TENM1: variants seen among roughly 807,000 people sequenced by gnomAD.
The protein encoded by TENM1 is teneurin-1.
Under a neutral mutation model 174.8 loss-of-function variants are expected in TENM1, and 35 were observed. The ratio of observed to expected loss-of-function variants is 0.20; its 90% CI spans 0.15 to 0.27. TENM1 has a LOEUF of 0.27. Ranked by LOEUF, TENM1 falls within the 10% of genes least tolerant of loss-of-function variation. The pLI is 1.00. For missense variants in TENM1, 1,633 were observed against 2,130.1 expected (o/e 0.77, Z 4.59); for synonymous variants, 781 against 798.7 (o/e 0.98, Z 0.37).
intron 4 of TENM1, among the ~76,000 whole-genome samples, chrX:124,713,570 G>A (rs1156939993): frequency 8.9e-6 from 1 of 112,257 alleles, no homozygotes; most frequent in African/African-American, 3.2e-5. Flanking sequence ...GCCCAGCCGG[G>A]AGATCCTTTT....
chrX:124,634,131 C>T (rs1314074495), intron 11 of TENM1, among the ~76,000 whole-genome samples: 1 of 111,006 alleles, frequency 9.0e-6, no homozygotes, highest in Non-Finnish European at 1.9e-5. Flanking sequence ...AATAATGAAG[C>T]CTGCATATGA....
At chrX:124,929,482 C>T (rs1312800375) in intron 1 of TENM1, among the ~76,000 whole-genome samples, 2 of 111,937 alleles carry the variant, frequency 1.8e-5, no homozygotes, top group African/African-American at 6.5e-5. Context: ...ACAGAGGCTG[C>T]GAAAATTCTA....
intron 3 of TENM1, among the ~76,000 whole-genome samples, chrX:124,773,317 T>G (rs1347751917): frequency 1.8e-5 from 2 of 110,057 alleles, no homozygotes; most frequent in African/African-American, 6.6e-5. Flanking sequence ...GCAAGTGAAT[T>G]TTGCTGTTTG....
chrX:124,510,767 TG>T (rs1201600638), intron 18 of TENM1, among the ~76,000 whole-genome samples: 1 of 11,205 alleles, frequency 8.9e-5, no homozygotes, highest in African/African-American at 4.1e-4. Context: ...AGCATCCACA[TG>T]GGGAGATACA....
At chrX:124,781,197 C>T (rs1424218721) in intron 3 of TENM1, among the ~76,000 whole-genome samples, 2 of 111,349 alleles carry the variant, frequency 1.8e-5, no homozygotes, top group Non-Finnish European at 3.8e-5. Context: ...TTACTTGAGC[C>T]TTTTTATGAA....
At chrX:125,115,295 C>T in the TENM1 span, among the ~76,000 whole-genome samples, 2 of 110,237 alleles carry the variant, frequency 1.8e-5, no homozygotes, top group Non-Finnish European at 3.8e-5. Flanking sequence ...TGTTGAATGG[C>T]CAAGCTGGAA....
At chrX:124,848,283 A>G (rs1303657373) in intron 3 of TENM1, among the ~76,000 whole-genome samples, 2 of 110,684 alleles carry the variant, frequency 1.8e-5, no homozygotes, top group Admixed American at 1.9e-4. Flanking sequence ...CAAATTTTTT[A>G]GTGTATCTAA....
intron 14 of TENM1, among the ~76,000 whole-genome samples, chrX:124,557,173 A>C (rs1401989445): frequency 9.0e-6 from 1 of 111,633 alleles, no homozygotes; most frequent in African/African-American, 3.3e-5. Flanking sequence ...TACTAGTCTC[A>C]TGTGGCTACT....
the TENM1 span, among the ~76,000 whole-genome samples, chrX:124,986,963 G>T: frequency 9.0e-6 from 1 of 111,475 alleles, no homozygotes; most frequent in African/African-American, 3.3e-5. Flanking sequence ...TTCTTAAGAT[G>T]CTATATGACT....
At chrX:124,548,243 C>A (rs181168699) in intron 14 of TENM1, among the ~76,000 whole-genome samples, 210 of 111,869 alleles carry the variant, frequency 1.9e-3, no homozygotes, top group African/African-American at 6.6e-3. Flanking sequence ...TGTTGTACCA[C>A]AAATAAAACT....
At chrX:124,897,541 T>G (rs1207950709) in intron 1 of TENM1, among the ~76,000 whole-genome samples, 7 of 112,440 alleles carry the variant, frequency 6.2e-5, no homozygotes, top group Non-Finnish European at 9.4e-5. Context: ...TAACTATTTT[T>G]GGGGCATATA....
At chrX:125,192,958 A>G in the TENM1 span, among the ~76,000 whole-genome samples, 1 of 111,523 alleles carries the variant, frequency 9.0e-6, no homozygotes, top group Non-Finnish European at 1.9e-5. Flanking sequence ...TGATTACTGA[A>G]GGTTGAGGTT....
At position 124,872,846 on chromosome X, in the gene TENM1, A is replaced by G. The variant is rs756225450; in HGVS notation, c.535+21450T>C. On this transcript the variant is annotated intron_variant, in intron 3 of 31. Coordinates refer to ENST00000422452, the Ensembl canonical transcript of TENM1. ...CCAAACATAGTTCTTTCAAGCAAAC[A>G]AGAAAGTATATCCCCTCTATACATG... 3.6e-5 allele frequency among the ~76,000 whole-genome samples: 4 copies of G among 111,686 alleles called. No homozygotes were observed. The East Asian group carries it at 1.1e-3, about 31-fold the overall frequency.
chrX:124,673,579 T>C (rs756824500), intron 5 of TENM1, among the ~76,000 whole-genome samples: 1 of 111,818 alleles, frequency 8.9e-6, no homozygotes, highest in Non-Finnish European at 1.9e-5. Context: ...ATTGCAATAA[T>C]TTAGGAAAGA....
intron 11 of TENM1, among the ~76,000 whole-genome samples, chrX:124,641,480 G>T (rs2051016373): frequency 9.0e-6 from 1 of 111,676 alleles, no homozygotes; most frequent in Non-Finnish European, 1.9e-5. Flanking sequence ...TTGAGTTTGG[G>T]AGAGATATAA....
At chrX:124,896,091 A>G (rs757915009) in exon 2 of TENM1, 1 of 1,211,069 alleles carries the variant, frequency 8.3e-7, no homozygotes, top group Non-Finnish European at 1.1e-6. Flanking sequence ...CCTTATCCAC[A>G]TTCTTAGTGC....
intron 21 of TENM1, among the ~76,000 whole-genome samples, chrX:124,482,783 T>C (rs1350809057): frequency 1.8e-5 from 2 of 112,061 alleles, no homozygotes; most frequent in African/African-American, 6.5e-5. Flanking sequence ...GTTTGTTTAT[T>C]ATTTTGATTC....
the TENM1 span, among the ~76,000 whole-genome samples, chrX:125,139,433 G>A: frequency 2.7e-5 from 3 of 111,402 alleles, no homozygotes; most frequent in Non-Finnish European, 5.7e-5. Flanking sequence ...CACATCTGCT[G>A]ATATTGTGCA....
chrX:124,574,411 G>C (rs749086411), intron 11 of TENM1, among the ~76,000 whole-genome samples: 36 of 111,394 alleles, frequency 3.2e-4, no homozygotes, highest in Admixed American at 2.0e-3. Flanking sequence ...CTGGTTATCA[G>C]TTTCTAAAGT....
Sources: allele counts gnomAD v4.1 joint callset (sites outside exome capture counted in the v4.1 genomes callset), GRCh38; gene constraint gnomAD v4.1.1; transcripts MANE v1.5; gene names NCBI Gene and HGNC (gene_info 2026-07-23, HGNC 2026-07-21).